The following ASS1 variants were observed in gnomAD, a reference collection of about 807,000 sequenced individuals.
ASS1 encodes the protein argininosuccinate synthase.
Under a neutral mutation model 60.5 loss-of-function variants are expected in ASS1, and 58 were observed. The ratio of observed to expected loss-of-function variants is 0.96; its 90% CI spans 0.78 to 1.19. The LOEUF (loss-of-function observed/expected upper bound fraction) is 1.19, where lower values mean the gene tolerates loss of function less well. Among genes scored for constraint, ASS1 ranks in the 50% most tolerant of loss-of-function variants. The pLI, the probability that ASS1 is intolerant of heterozygous loss-of-function variation, is 0.00. For synonymous variants in ASS1, 200 were observed against 206.9 expected, an observed-to-expected ratio of 0.97 and a Z score of 0.29; for missense variants, 454 against 547.3, an observed-to-expected ratio of 0.83 and a Z score of 1.70.
At chr9:130,468,856 T>C (rs1365758962) in intron 6 of ASS1, among the ~76,000 whole-genome samples, 1 of 152,250 alleles carries the variant, frequency 6.6e-6, no homozygotes, top group Non-Finnish European at 1.5e-5. Flanking sequence ...GGTCTCACGT[T>C]GTCTACATGT....
chr9:130,499,619 G>T lies in ASS1; in HGVS notation c.1193+49G>T, dbSNP rs370530812. 1.2e-5 allele frequency: 19 copies of T among 1,571,924 alleles called. No individual in the cohort carries two copies. The African/African-American group carries it at 2.2e-4, about 18-fold the overall frequency. The stretch of plus-strand genomic sequence containing the variant: ...GGCCTTCAGAGCCTCCAGGTGTAAA[G>T]GGTAGGCTTTGAGAGCCCCCAGGTG... On this transcript the variant is annotated intron_variant, in intron 14 of 14. Transcript: ENST00000352480.
In ASS1 at chr9:130,494,824, T is replaced by C. The variant is rs375375032; in HGVS notation, c.971-43T>C. The stretch of plus-strand genomic sequence containing the variant: ...CCCAGGTCTCCCTGTGTCCTCGCGG[T>C]GCAGGAGGCCTCCCTAGTGGTATCC... On this transcript the variant is annotated intron_variant, in intron 12 of 14. Coordinates refer to ENST00000352480, the MANE Select transcript of ASS1 (RefSeq NM_054012.4). The surrounding 1 kb of genome is among the most constrained non-coding windows in gnomAD (Gnocchi z 4.3). The C allele has an allele frequency of 6.2e-7, 1 of 1,611,340 alleles. No individual in the cohort carries two copies. Among genetic ancestry groups the C allele is most frequent in the African/African-American group, 1.3e-5 (1 of 74,850 alleles).
In ASS1 at chr9:130,489,503, A is replaced by G. The variant is rs1270929041; in HGVS notation, c.970+39A>G. 1 of 1,613,724 alleles carries G rather than the reference A, an allele frequency of 6.2e-7. No individual in the cohort carries two copies. On this transcript the variant is annotated intron_variant, in intron 12 of 14. Coordinates refer to ENST00000352480, the MANE Select transcript of ASS1 (RefSeq NM_054012.4). The surrounding 1 kb of genome is among the most constrained non-coding windows in gnomAD (Gnocchi z 4.1). ...TATGGCTGCCCCCTCTAACCGCCTC[A>G]CAAGGGATCCCAAAGTACTATCAGG... is the stretch of plus-strand genomic sequence containing the variant.
intron 13 of ASS1, among the ~76,000 whole-genome samples, chr9:130,495,470 T>TACAC (rs777921061): frequency 0.3 from 38,345 of 129,536 alleles, 6,116 homozygotes; most frequent in Middle Eastern, 0.45. Context: ...TACACATACA[T>TACAC]ATACACACAC....
At chr9:130,468,373 C>T (rs558922433) in intron 6 of ASS1, among the ~76,000 whole-genome samples, 19 of 152,220 alleles carry the variant, frequency 1.2e-4, no homozygotes, top group Admixed American at 3.9e-4. Flanking sequence ...CGGAAAAACA[C>T]TCAGAACCAC....
chr9:130,499,064 C>G (rs879308991), intron 13 of ASS1, among the ~76,000 whole-genome samples: 10 of 152,140 alleles, frequency 6.6e-5, no homozygotes, highest in Admixed American at 2.0e-4. Flanking sequence ...CTGCAGCTTG[C>G]GAAATGCCCT....
intron 6 of ASS1, among the ~76,000 whole-genome samples, chr9:130,467,523 C>T (rs1045103581): frequency 6.6e-6 from 1 of 152,166 alleles, no homozygotes; most frequent in Non-Finnish European, 1.5e-5. Flanking sequence ...GCTCTCGCTG[C>T]AGCCAAGGTG....
At chr9:130,458,186 G>C (rs1845492603) in intron 3 of ASS1, among the ~76,000 whole-genome samples, 1 of 151,270 alleles carries the variant, frequency 6.6e-6, no homozygotes, top group Admixed American at 6.6e-5. Context: ...GAGAGCTATT[G>C]ATTAGCAATG....
intron 5 of ASS1, 121 bp downstream of exon 5, chr9:130,464,288 G>T: frequency 1.6e-6 from 2 of 1,270,058 alleles, no homozygotes; most frequent in South Asian, 2.5e-5. Context: ...CGTGGCAGGG[G>T]TGCCCATCGG....
chr9:130,500,881 GCCCCAGCCA>G, intron 14 of ASS1, 86 bp from the exon 15 acceptor site: 2 of 1,381,050 alleles, frequency 1.4e-6, no homozygotes, highest in Non-Finnish European at 2.0e-6. Context: ...ACAAACAGCT[GCCCCAGCCA>G]CCCCAGCTCT....
intron 4 of ASS1, among the ~76,000 whole-genome samples, chr9:130,462,084 C>T (rs968067375): frequency 6.6e-6 from 1 of 152,186 alleles, no homozygotes; most frequent in African/African-American, 2.4e-5. Context: ...TGCCCTGCTG[C>T]CAGCCCCACC....
At chr9:130,457,495 C>G (rs1238197512) in intron 3 of ASS1, among the ~76,000 whole-genome samples, 3 of 152,160 alleles carry the variant, frequency 2.0e-5, no homozygotes, top group Admixed American at 2.0e-4. Context: ...AAAGTTTTCA[C>G]TCAGTGTCTC....
chr9:130,463,448 C>G (rs911700478), intron 4 of ASS1, among the ~76,000 whole-genome samples: 2 of 152,194 alleles, frequency 1.3e-5, no homozygotes, highest in African/African-American at 4.8e-5. Flanking sequence ...GCAACCTGCC[C>G]GAGGGGGTGG....
Position 130,488,663 on chromosome 9 carries a change from G to C in ASS1, c.839-670G>C, listed in dbSNP as rs914359871. Among the ~76,000 whole-genome samples, 1 of 152,236 alleles carries C rather than the reference G, an allele frequency of 6.6e-6. No homozygotes were observed. The highest frequency in any genetic ancestry group is 1.5e-5 in the Non-Finnish European group (1 of 68,034). On this transcript the variant is annotated intron_variant, in intron 11 of 14. Transcript: ENST00000352480. This position sits in a 1 kb window ranked among gnomAD's most constrained non-coding sequence, Gnocchi z 5.2. ...CTTCTCCCCTGACCTTCCAGGGTTG[G>C]GCCTCCACGGCCAGGTGACTTACAG... is the stretch of plus-strand genomic sequence containing the variant.
At chr9:130,481,556 C>T (rs913334679) in intron 11 of ASS1, among the ~76,000 whole-genome samples, 1 of 152,184 alleles carries the variant, frequency 6.6e-6, no homozygotes, top group Non-Finnish European at 1.5e-5. Context: ...GGTGGTGGTC[C>T]GGAGGGCAGG....
rs1057516339 is a variant in ASS1 at position 130,464,159 on chromosome 9, C to T, written c.412C>T (p.Gln138Ter). 6.2e-7 allele frequency: 1 copy of T among 1,614,180 alleles called. No individual in the cohort carries two copies. Among genetic ancestry groups the T allele is most frequent in the South Asian group, 1.1e-5 (1 of 91,088 alleles). ...FELSCYSLAP[Q>*]IKVIAPWRMP... The stretch of plus-strand genomic sequence containing the variant: ...GCTCAGCTGCTACTCACTGGCCCCC[C>T]AGATAAAGGTAGGATGTGGCTCCTC... The change falls in exon 5 of 15, where the codon CAG (glutamine) becomes TAG (stop). Residue 138 changes from glutamine to a stop codon, truncating the protein, a stop_gained. Transcript: ENST00000352480. LOFTEE classifies it high-confidence loss of function.
intron 4 of ASS1, 152 bp downstream of exon 4, chr9:130,458,741 G>A: frequency 1.8e-6 from 2 of 1,117,726 alleles, no homozygotes; most frequent in East Asian, 2.6e-5. Flanking sequence ...CAATGAGAGG[G>A]GTAACAGCTC....
chr9:130,483,569 G>C (rs191725468), intron 11 of ASS1, among the ~76,000 whole-genome samples: 3 of 151,732 alleles, frequency 2.0e-5, no homozygotes, highest in Admixed American at 6.6e-5. Context: ...GGAGGAGAAG[G>C]GGGGCAAGGC....
intron 8 of ASS1, among the ~76,000 whole-genome samples, chr9:130,474,513 G>A (rs113530975): frequency 1.2e-4 from 19 of 152,326 alleles, no homozygotes; most frequent in African/African-American, 3.4e-4. Context: ...TGGGGCCCTC[G>A]TACCGGCACC....
Sources: gnomAD v4.1 joint callset for allele counts (sites outside exome capture counted in the v4.1 genomes callset) on GRCh38, gnomAD v4.1.1 for gene constraint, Gnocchi (gnomAD v3.1) non-coding constraint, MANE v1.5 for transcripts, NCBI Gene and HGNC (gene_info 2026-07-23, HGNC 2026-07-21) for gene names.